DNAJC6: variants seen among roughly 807,000 people sequenced by gnomAD.
DNAJC6 encodes DnaJ heat shock protein family (Hsp40) member C6.
Under a neutral mutation model 110.0 loss-of-function variants are expected in DNAJC6, and 34 were observed. The ratio of observed to expected loss-of-function variants is 0.31; its 90% confidence interval spans 0.24 to 0.41. The LOEUF is 0.41. Among genes scored for constraint, DNAJC6 ranks in the 10% least tolerant of loss-of-function variants. The probability of loss-of-function intolerance (pLI) is 1.00; values close to 1 mark genes in which losing one functional copy is unlikely to be tolerated. For synonymous variants in DNAJC6, 406 were observed against 437.2 expected (o/e 0.93, Z 0.89); for missense variants, 1,031 against 1,207.8 (o/e 0.85, Z 2.17).
chr1:65,316,722 G>A (rs561853507), intron 1 of DNAJC6, among the ~76,000 whole-genome samples: 1 of 152,338 alleles, frequency 6.6e-6, no homozygotes, highest in East Asian at 1.9e-4. Context: ...AAATGTAACT[G>A]TTGGTCGAAA....
At chr1:65,265,109 C>T (rs1653271489) in intron 1 of DNAJC6, among the ~76,000 whole-genome samples, 2 of 152,150 alleles carry the variant, frequency 1.3e-5, no homozygotes, top group African/African-American at 4.8e-5. Context: ...AAATGACTAG[C>T]TTCTAGTTTC....
chr1:65,312,160 G>A (rs551348505), intron 1 of DNAJC6, among the ~76,000 whole-genome samples: 110 of 152,316 alleles, frequency 7.2e-4, no homozygotes, highest in African/African-American at 2.6e-3. Context: ...CTTGATCAAA[G>A]TGGTGTTGTG....
intron 9 of DNAJC6, among the ~76,000 whole-genome samples, chr1:65,388,821 C>T (rs1262799123): frequency 2.0e-5 from 3 of 152,078 alleles, no homozygotes; most frequent in African/African-American, 7.2e-5. Context: ...TTCTGGAGGA[C>T]CTTTCTGCAC....
upstream of DNAJC6, among the ~76,000 whole-genome samples, chr1:65,307,829 C>A (rs550375352): frequency 3.0e-4 from 45 of 152,170 alleles, no homozygotes; most frequent in African/African-American, 1.1e-3. Flanking sequence ...ATTTTTATTG[C>A]AGTTTTTCCT....
At chr1:65,299,783 C>G (rs1431427335) in intron 1 of DNAJC6, among the ~76,000 whole-genome samples, 2 of 152,030 alleles carry the variant, frequency 1.3e-5, no homozygotes, top group African/African-American at 4.8e-5. Flanking sequence ...GGCACGGTGG[C>G]TCATGCCTGC....
chr1:65,281,818 C>T (rs192090173), intron 1 of DNAJC6, among the ~76,000 whole-genome samples: 187 of 152,196 alleles, frequency 1.2e-3, no homozygotes, highest in African/African-American at 4.2e-3. Context: ...CTGTGTTAGC[C>T]AGGATGGTCT....
intron 1 of DNAJC6, among the ~76,000 whole-genome samples, chr1:65,266,067 G>A (rs1450991791): frequency 6.6e-6 from 1 of 152,230 alleles, no homozygotes; most frequent in Non-Finnish European, 1.5e-5. Flanking sequence ...CAGCCCGTTG[G>A]GCAGGTTTCG....
intron 2 of DNAJC6, 24 bp from the exon 3 acceptor site, chr1:65,365,861 T>C (rs1468888762): frequency 6.2e-7 from 1 of 1,609,888 alleles, no homozygotes; most frequent in African/African-American, 1.3e-5. Context: ...TTTTAATGAG[T>C]GCCCATTTTT....
chr1:65,270,167 A>G (rs548728727), intron 1 of DNAJC6, among the ~76,000 whole-genome samples: 121 of 152,348 alleles, frequency 7.9e-4, no homozygotes, highest in African/African-American at 2.8e-3. Context: ...TACAAGTGCA[A>G]GTAGCTACCT....
At chr1:65,307,232 T>G (rs1411014270), upstream of DNAJC6, among the ~76,000 whole-genome samples, 1 of 151,918 alleles carries the variant, frequency 6.6e-6, no homozygotes, top group Admixed American at 6.6e-5. Flanking sequence ...CTGTTGTAAA[T>G]TAACCTAGTT....
Position 65,415,658 on chromosome 1 carries a change from G to A in DNAJC6, c.*2633G>A, listed in dbSNP as rs1458966283. 1 of 152,146 alleles carries A rather than the reference G, an allele frequency of 6.6e-6. No homozygotes were observed. The highest frequency in any genetic ancestry group is 1.9e-4 in the East Asian group (1 of 5,202). The allele number at this position is 152,146 out of a possible 1,614,324, so 9.4% of individuals were successfully genotyped here. A position where few individuals can be genotyped will look rare whatever the true frequency, so the allele number is the denominator to read the frequency against. ...TCTGGGACTTTATCATAGAAACAAAGTCTCAGATATTTTAGTTCTTTGGAA... is the reference window on the plus strand; with the variant it reads ...TCTGGGACTTTATCATAGAAACAAAATCTCAGATATTTTAGTTCTTTGGAA... On this transcript the variant is annotated 3_prime_UTR_variant, in exon 19 of 19. Coordinates refer to ENST00000371069, the MANE Select transcript of DNAJC6 (RefSeq NM_001256864.2).
At chr1:65,270,455 CCAA>C (rs1171424568) in intron 1 of DNAJC6, among the ~76,000 whole-genome samples, 1 of 151,998 alleles carries the variant, frequency 6.6e-6, no homozygotes, top group African/African-American at 2.4e-5. Context: ...ATAATTTGAA[CCAA>C]CATTAAAACT....
intron 1 of DNAJC6, among the ~76,000 whole-genome samples, chr1:65,293,045 A>G (rs1426946145): frequency 2.0e-5 from 3 of 152,150 alleles, no homozygotes; most frequent in Admixed American, 6.5e-5. Context: ...GAAATCCACA[A>G]TGCTCTTGGG....
intron 1 of DNAJC6, among the ~76,000 whole-genome samples, chr1:65,295,114 G>A (rs183063093): frequency 2.6e-5 from 4 of 152,288 alleles, no homozygotes; most frequent in African/African-American, 9.6e-5. Flanking sequence ...GTTAAGTACT[G>A]TATTAGGCAG....
At chr1:65,384,664 T>C (rs2101598761) in intron 6 of DNAJC6, among the ~76,000 whole-genome samples, 2 of 152,218 alleles carry the variant, frequency 1.3e-5, no homozygotes, top group South Asian at 4.1e-4. Flanking sequence ...TTATTCACTA[T>C]CATGAGAACA....
chr1:65,376,033 T>C (rs1464219825), intron 4 of DNAJC6, among the ~76,000 whole-genome samples: 2 of 152,226 alleles, frequency 1.3e-5, no homozygotes, highest in African/African-American at 4.8e-5. Context: ...CTTTCTTTGA[T>C]AGGAGAATTT....
At chr1:65,325,554 T>C (rs569860614) in intron 1 of DNAJC6, among the ~76,000 whole-genome samples, 2 of 152,236 alleles carry the variant, frequency 1.3e-5, no homozygotes, top group Non-Finnish European at 2.9e-5. Flanking sequence ...CTTGTTTTTG[T>C]TATTTGTACT....
Position 65,385,073 on chromosome 1 carries a change from G to T in DNAJC6, c.801-639G>T, listed in dbSNP as rs1218844715. 8.5e-5 allele frequency among the ~76,000 whole-genome samples: 13 copies of T among 152,186 alleles called. No individual in the cohort carries two copies. The South Asian group carries it at 2.7e-3, about 32-fold the overall frequency. On this transcript the variant is annotated intron_variant, in intron 6 of 18. Coordinates refer to ENST00000371069, the MANE Select transcript of DNAJC6 (RefSeq NM_001256864.2). ...CAGTCCCTTTTTGTTTTATTATACA[G>T]GTCTTTATTGAAAAACAGCAGTAGC...
intron 1 of DNAJC6, chr1:65,265,061 T>A: frequency 1.3e-6 from 1 of 784,404 alleles, no homozygotes; most frequent in Non-Finnish European, 2.1e-6. Flanking sequence ...ATACCTATAT[T>A]AACATTCTAG....
Sources: gnomAD v4.1 joint callset for allele counts (sites outside exome capture counted in the v4.1 genomes callset) on GRCh38, gnomAD v4.1.1 for gene constraint, MANE v1.5 for transcripts, NCBI Gene and HGNC (gene_info 2026-07-23, HGNC 2026-07-21) for gene names.